Variants in PEX14 observed in about 807,000 individuals in gnomAD.
PEX14 encodes the protein peroxisomal biogenesis factor 14, also known as peroxisomal membrane protein PEX14.
Under a neutral mutation model 49.5 loss-of-function variants are expected in PEX14, and 15 were observed. That is an observed-to-expected ratio of 0.30 (90% CI 0.20 to 0.47). The LOEUF (loss-of-function observed/expected upper bound fraction) is 0.47. Among genes scored for constraint, PEX14 ranks in the 20% least tolerant of loss-of-function variants. The probability of loss-of-function intolerance (pLI) is 1.00; values close to 1 mark genes in which losing one functional copy is unlikely to be tolerated. For missense variants in PEX14, 398 were observed against 494.8 expected, an observed-to-expected ratio of 0.80 and a Z score of 1.86; for synonymous variants, 210 against 212.7, an observed-to-expected ratio of 0.99 and a Z score of 0.11.
chr1:10,604,537 G>A (rs1323417302), intron 4 of PEX14, among the ~76,000 whole-genome samples: 1 of 152,148 alleles, frequency 6.6e-6, no homozygotes, highest in African/African-American at 2.4e-5. Flanking sequence ...CTTGAGCCCA[G>A]GAGATCGAGT....
rs1557842419 is a variant in PEX14, at chr1:10,555,617, G to A, written c.169+19320G>A. Among the ~76,000 whole-genome samples, 3 of 148,254 alleles carry A rather than the reference G, an allele frequency of 2.0e-5. No individual in the cohort carries two copies. The South Asian group carries it at 6.6e-4, about 33-fold the overall frequency. ...TAGTTAAATAATTTGTTTTTGAGGT[G>A]TGAGAGCAGAGCCGGCAAGGTGTGA... is the stretch of plus-strand genomic sequence containing the variant. On this transcript the variant is annotated intron_variant, in intron 3 of 8. Coordinates refer to ENST00000356607, the MANE Select transcript of PEX14 (RefSeq NM_004565.3).
intron 2 of PEX14, among the ~76,000 whole-genome samples, chr1:10,522,168 T>C (rs1033086119): frequency 6.6e-6 from 1 of 152,228 alleles, no homozygotes; most frequent in Non-Finnish European, 1.5e-5. Flanking sequence ...AAGAGCAGAA[T>C]TTATGAAACT....
intron 3 of PEX14, among the ~76,000 whole-genome samples, chr1:10,587,867 C>T (rs72857049): frequency 0.095 from 13,475 of 141,500 alleles, 770 homozygotes; most frequent in East Asian, 0.2. Flanking sequence ...TAAAAATATA[C>T]GGACACACAT....
intron 3 of PEX14, among the ~76,000 whole-genome samples, chr1:10,558,330 T>A (rs1310470753): frequency 6.6e-6 from 1 of 152,034 alleles, no homozygotes; most frequent in African/African-American, 2.4e-5. Context: ...TCTTAAGACA[T>A]TTTAGAATCA....
chr1:10,542,905 C>T (rs1639059761), intron 3 of PEX14, among the ~76,000 whole-genome samples: 1 of 152,184 alleles, frequency 6.6e-6, no homozygotes, highest in Non-Finnish European at 1.5e-5. Context: ...TGGCACCATG[C>T]TGAAGTCAGA....
intron 1 of PEX14, among the ~76,000 whole-genome samples, chr1:10,490,868 A>C (rs184219256): frequency 1.8e-4 from 28 of 151,752 alleles, no homozygotes; most frequent in African/African-American, 6.8e-4. Flanking sequence ...ATGCGTGGCA[A>C]ATTTTTGTAT....
At chr1:10,599,009 T>A (rs1488155696) in intron 3 of PEX14, among the ~76,000 whole-genome samples, 3 of 152,100 alleles carry the variant, frequency 2.0e-5, no homozygotes, top group Non-Finnish European at 2.9e-5. Context: ...AAGGATAAAT[T>A]AAGGAAATTG....
intron 2 of PEX14, among the ~76,000 whole-genome samples, chr1:10,500,140 C>T (rs531262112): frequency 4.2e-5 from 5 of 119,598 alleles, no homozygotes; most frequent in South Asian, 3.5e-4. Context: ...ACGGTGCTCA[C>T]GCCTGTAATC....
At chr1:10,557,834 CTTT>C (rs70997249) in intron 3 of PEX14, among the ~76,000 whole-genome samples, 12 of 146,470 alleles carry the variant, frequency 8.2e-5, no homozygotes, top group East Asian at 4.0e-4. Flanking sequence ...ATTTGCCTAC[CTTT>C]TTTTTTTTTT....
intron 1 of PEX14, among the ~76,000 whole-genome samples, chr1:10,482,993 A>G (rs1007128724): frequency 5.3e-5 from 8 of 152,148 alleles, no homozygotes; most frequent in African/African-American, 1.7e-4. Flanking sequence ...CTTTTGTGAG[A>G]ATATTATGTA....
rs1422880067 is a variant in PEX14 at position 10,629,444 on chromosome 1, G to A, written c.678-87G>A. ...TGGGGGAGCAGCTCACCATCGCCGAGCCCTTGCGGGTCAGGGAAGGCGTGG... is the reference window on the plus strand; with the variant it reads ...TGGGGGAGCAGCTCACCATCGCCGAACCCTTGCGGGTCAGGGAAGGCGTGG... On this transcript the variant is annotated intron_variant, in intron 8 of 8. Coordinates refer to ENST00000356607, the MANE Select transcript of PEX14 (RefSeq NM_004565.3). The surrounding 1 kb of genome is among the most constrained non-coding windows in gnomAD (Gnocchi z 8.5). 8.9e-6 allele frequency: 8 copies of A among 896,948 alleles called. No homozygotes were observed. In the East Asian group the frequency reaches 1.7e-4, roughly 19 times the overall value. The allele number at this position is 896,948 out of a possible 1,614,324, so 55.6% of individuals were successfully genotyped here. A position where few individuals can be genotyped will look rare whatever the true frequency, so the allele number is the denominator to read the frequency against.
chr1:10,611,578 T>A (rs1036562217), intron 4 of PEX14, among the ~76,000 whole-genome samples: 2 of 152,228 alleles, frequency 1.3e-5, no homozygotes, highest in Admixed American at 1.3e-4. Context: ...TTTCCCAAAA[T>A]GGTTGTAGCG....
chr1:10,489,283 G>A (rs574177194), intron 1 of PEX14, among the ~76,000 whole-genome samples: 23 of 152,316 alleles, frequency 1.5e-4, no homozygotes, highest in African/African-American at 5.5e-4. Context: ...GCCTGGCCAT[G>A]TGTTGAAATT....
chr1:10,502,274 ACCT>A (rs1386220828), intron 2 of PEX14, among the ~76,000 whole-genome samples: 3 of 151,928 alleles, frequency 2.0e-5, no homozygotes, highest in Non-Finnish European at 4.4e-5. Context: ...TGTGATTCCC[ACCT>A]CCTCTGCCAG....
At chr1:10,569,016 C>G (rs191980923) in intron 3 of PEX14, among the ~76,000 whole-genome samples, 2 of 152,252 alleles carry the variant, frequency 1.3e-5, no homozygotes, top group African/African-American at 4.8e-5. Flanking sequence ...CTGGGATTTA[C>G]AGGCATGAGC....
rs913042329 is a variant in PEX14, at chr1:10,514,619, G to C, written c.84+19298G>C. ...TAATAGGCCATTGGGTGTCACTGTC[G>C]CTCTACTGGCTATAGGAGAAAGAGG... On this transcript the variant is annotated intron_variant, in intron 2 of 8. Transcript: ENST00000356607. The surrounding 1 kb of genome is among the most constrained non-coding windows in gnomAD (Gnocchi z 4.4). 4.6e-5 allele frequency among the ~76,000 whole-genome samples: 7 copies of C among 152,170 alleles called. No homozygotes were observed. Among genetic ancestry groups the C allele is most frequent in the African/African-American group, 1.7e-4 (7 of 41,440 alleles).
chr1:10,606,447 A>T (rs1234733805), intron 4 of PEX14, among the ~76,000 whole-genome samples: 1 of 152,216 alleles, frequency 6.6e-6, no homozygotes, highest in Non-Finnish European at 1.5e-5. Context: ...GCTGAGATGT[A>T]GTCCTGATCT....
At chr1:10,587,571 T>C (rs1282493820) in intron 3 of PEX14, among the ~76,000 whole-genome samples, 1 of 152,176 alleles carries the variant, frequency 6.6e-6, no homozygotes, top group Non-Finnish European at 1.5e-5. Flanking sequence ...GGAAGAAGGT[T>C]TGACAGGTCT....
intron 3 of PEX14, among the ~76,000 whole-genome samples, chr1:10,575,241 C>G (rs142211922): frequency 2.1e-4 from 32 of 152,198 alleles, no homozygotes; most frequent in African/African-American, 7.2e-4. Context: ...ACTTTATGCA[C>G]TGAAAAACGT....
Sources: gnomAD v4.1 joint callset for allele counts (sites outside exome capture counted in the v4.1 genomes callset) on GRCh38, gnomAD v4.1.1 for gene constraint, Gnocchi (gnomAD v3.1) non-coding constraint, MANE v1.5 for transcripts, NCBI Gene and HGNC (gene_info 2026-07-23, HGNC 2026-07-21) for gene names.